The following MKRN3 variants were observed in gnomAD, a reference collection of about 807,000 sequenced individuals.
The protein encoded by MKRN3 is E3 ubiquitin-protein ligase makorin-3.
For missense variants in MKRN3, 749 were observed against 667.0 expected (o/e 1.12, Z -1.35); for synonymous variants, 301 against 250.2 (o/e 1.20, Z -1.91).
In MKRN3 at chr15:23,567,740, C is replaced by T; in HGVS notation, c.*434C>T. The stretch of plus-strand genomic sequence containing the variant: ...TTGCAGCTGCTCATCTGTTTGTTTA[C>T]AGTTTGTTCTTTCCCTCCTTCCCCT... On this transcript the variant is annotated 3_prime_UTR_variant, in exon 1 of 1. Coordinates refer to ENST00000314520, the MANE Select transcript of MKRN3 (RefSeq NM_005664.4). 2.0e-6 allele frequency: 2 copies of T among 1,007,252 alleles called. No individual in the cohort carries two copies. The highest frequency in any genetic ancestry group is 4.6e-5 in the South Asian group (1 of 21,786). 62.4% of individuals were successfully genotyped at this position (1,007,252 alleles called of 1,614,324 possible). A position where few individuals can be genotyped will look rare whatever the true frequency, so the allele number is the denominator to read the frequency against.
chr15:23,567,118 G>C lies in MKRN3; in HGVS notation c.1336G>C (p.Val446Leu). 2 of 1,614,214 alleles carry C rather than the reference G, an allele frequency of 1.2e-6. No individual in the cohort carries two copies. Among genetic ancestry groups the C allele is most frequent in the Non-Finnish European group, 8.5e-7 (1 of 1,180,046 alleles). ...GSFSAYWHQL[V>L]EPVRMGEGNM... is the part of the protein sequence containing the mutation. ...ATTCAGCGCATACTGGCATCAACTT[G>C]TGGAGCCTGTGCGAATGGGAGAGGG... Residue 446 changes from valine (V) to leucine (L), a missense_variant, in exon 1 of 1, where the codon GTG becomes CTG. Val to Leu is a conservative substitution (Grantham distance 32, BLOSUM62 1). Coordinates refer to ENST00000314520, the MANE Select transcript of MKRN3 (RefSeq NM_005664.4).
At position 23,566,475 on chromosome 15, in the gene MKRN3, G is replaced by A. The variant is rs1386089566; in HGVS notation, c.693G>A (p.Glu231=). 3 of 1,614,120 alleles carry A rather than the reference G, an allele frequency of 1.9e-6. No homozygotes were observed. The South Asian group carries it at 3.3e-5, about 18-fold the overall frequency. Residue 231 remains glutamate, a synonymous_variant, in exon 1 of 1, where the codon GAG becomes GAA. Coordinates refer to ENST00000314520, the MANE Select transcript of MKRN3 (RefSeq NM_005664.4). ...PEAPLQSSET[E]RKQMAVGSGL... is the part of the protein sequence containing the mutation. ...CTCCTCTACAGAGCTCAGAGACTGAGAGGAAGCAGATGGCTGTGGGCAGTG... is the reference window on the plus strand; with the variant it reads ...CTCCTCTACAGAGCTCAGAGACTGAAAGGAAGCAGATGGCTGTGGGCAGTG...
Position 23,565,849 on chromosome 15 carries a change from G to A in MKRN3, c.67G>A (p.Ala23Thr). The part of the protein sequence containing the change: ...AAGAQAGAEA[A>T]REGVSGPDLP... ...CGGGGCCCAGGCAGGTGCTGAGGCAGCAAGGGAGGGTGTGTCTGGGCCGGA... is the reference window on the plus strand; with the variant it reads ...CGGGGCCCAGGCAGGTGCTGAGGCAACAAGGGAGGGTGTGTCTGGGCCGGA... Residue 23 changes from alanine (A) to threonine (T), a missense_variant, in exon 1 of 1, where the codon GCA (alanine) becomes ACA (threonine). Coordinates refer to ENST00000314520, the MANE Select transcript of MKRN3 (RefSeq NM_005664.4). 6.2e-7 allele frequency: 1 copy of A among 1,613,570 alleles called. No homozygotes were observed. Among genetic ancestry groups the A allele is most frequent in the Non-Finnish European group, 8.5e-7 (1 of 1,179,698 alleles).
chr15:23,567,200 T>G lies in MKRN3; in HGVS notation c.1418T>G (p.Leu473Arg), dbSNP rs1889119286. The change falls in exon 1 of 1, where the codon CTG (leucine) becomes CGG (arginine). Residue 473 changes from leucine (L) to arginine (R), a missense_variant. Coordinates refer to ENST00000314520, the MANE Select transcript of MKRN3 (RefSeq NM_005664.4). ...KELVVLRLASLLFKRFLSLRD... is the reference protein window; with the variant it reads ...KELVVLRLASRLFKRFLSLRD... Reference sequence around the variant, plus strand: ...CTTGTCGTGCTTCGGCTGGCCAGTCTGTTGTTTAAGCGGTTTCTTTCACTG... The same window carrying G: ...CTTGTCGTGCTTCGGCTGGCCAGTCGGTTGTTTAAGCGGTTTCTTTCACTG... 6.2e-7 allele frequency: 1 copy of G among 1,614,214 alleles called. No individual in the cohort carries two copies. Among genetic ancestry groups the G allele is most frequent in the Non-Finnish European group, 8.5e-7 (1 of 1,180,036 alleles).
Position 23,567,526 on chromosome 15 carries a change from A to T in MKRN3, c.*220A>T. The T allele has an allele frequency of 7.2e-7, 1 of 1,391,938 alleles. No homozygotes were observed. Among genetic ancestry groups the T allele is most frequent in the East Asian group, 2.8e-5 (1 of 36,288 alleles). 86.2% of individuals were successfully genotyped at this position (1,391,938 alleles called of 1,614,324 possible). A position where few individuals can be genotyped will look rare whatever the true frequency, so the allele number is the denominator to read the frequency against. ...TTTTGGTGAAATTAATATTAATGTCAGCTTATGGCTTTTTTTTGTCATCTC... is the reference window on the plus strand; with the variant it reads ...TTTTGGTGAAATTAATATTAATGTCTGCTTATGGCTTTTTTTTGTCATCTC... On this transcript the variant is annotated 3_prime_UTR_variant, in exon 1 of 1. Transcript: ENST00000314520.
Position 23,566,497 on chromosome 15 carries a change from A to G in MKRN3, c.715A>G (p.Ser239Gly), listed in dbSNP as rs145670360. 1 of 1,614,038 alleles carries G rather than the reference A, an allele frequency of 6.2e-7. No homozygotes were observed. Among genetic ancestry groups the G allele is most frequent in the Non-Finnish European group, 8.5e-7 (1 of 1,180,044 alleles). Reference protein sequence around the residue: ...ETERKQMAVGSGLRFCYYASR... With the variant: ...ETERKQMAVGGGLRFCYYASR... ...TGAGAGGAAGCAGATGGCTGTGGGC[A>G]GTGGGTTGCGGTTTTGCTATTATGC... The change falls in exon 1 of 1, where the codon AGT becomes GGT. Residue 239 changes from serine to glycine, a missense_variant. Physicochemically the swap from Ser to Gly is moderately conservative, Grantham distance 56 (BLOSUM62 0). Coordinates refer to ENST00000314520, the MANE Select transcript of MKRN3 (RefSeq NM_005664.4).
rs1033077110 is a variant in MKRN3, at chr15:23,566,731, G to A, written c.949G>A (p.Val317Ile). Reference protein sequence around the residue: ...MDKVCGICMEVVYEKANPNDR... With the variant: ...MDKVCGICMEIVYEKANPNDR... ...CAAGGTGTGTGGCATCTGCATGGAG[G>A]TTGTCTATGAGAAGGCCAACCCCAA... Residue 317 changes from valine to isoleucine, a missense_variant, in exon 1 of 1, where the codon GTT (valine) becomes ATT (isoleucine). Coordinates refer to ENST00000314520, the MANE Select transcript of MKRN3 (RefSeq NM_005664.4). 3.1e-6 allele frequency: 5 copies of A among 1,614,222 alleles called. No homozygotes were observed. The highest frequency in any genetic ancestry group is 2.5e-6 in the Non-Finnish European group (3 of 1,180,042).
Position 23,565,753 on chromosome 15 carries a change from C to G in MKRN3, c.-30C>G, listed in dbSNP as rs1889068805. Reference sequence around the variant, plus strand: ...ATAAAGAAAAAATACCGGAGAGGTTCTGGCACCATTTCGGGGTGCCAAAGC... The same window carrying G: ...ATAAAGAAAAAATACCGGAGAGGTTGTGGCACCATTTCGGGGTGCCAAAGC... On this transcript the variant is annotated 5_prime_UTR_variant, in exon 1 of 1. Transcript: ENST00000314520. The G allele has an allele frequency of 6.5e-7, 1 of 1,541,304 alleles. No homozygotes were observed.
chr15:23,566,677 C>T lies in MKRN3; in HGVS notation c.895C>T (p.Leu299Phe). 1 of 1,614,224 alleles carries T rather than the reference C, an allele frequency of 6.2e-7. No individual in the cohort carries two copies. Among genetic ancestry groups the T allele is most frequent in the Non-Finnish European group, 8.5e-7 (1 of 1,180,046 alleles). The stretch of plus-strand genomic sequence containing the variant: ...TGAAGCACACGAGAAAGATATGGAA[C>T]TCTCGTTTGCTGTGCAGCGTGGTAT... Reference protein sequence around the residue: ...CIEAHEKDMELSFAVQRGMDK... With the variant: ...CIEAHEKDMEFSFAVQRGMDK... The change falls in exon 1 of 1, where the codon CTC becomes TTC. Residue 299 changes from leucine (L) to phenylalanine (F), a missense_variant. By Grantham distance (22) the Leu-to-Phe change is conservative. Coordinates refer to ENST00000314520, the MANE Select transcript of MKRN3 (RefSeq NM_005664.4).
Position 23,566,926 on chromosome 15 carries a change from G to A in MKRN3, c.1144G>A (p.Glu382Lys). 2 of 1,614,230 alleles carry A rather than the reference G, an allele frequency of 1.2e-6. No homozygotes were observed. Among genetic ancestry groups the A allele is most frequent in the East Asian group, 4.5e-5 (2 of 44,880 alleles). Residue 382 changes from glutamate (E) to lysine (K), a missense_variant, in exon 1 of 1, where the codon GAA (glutamate) becomes AAA (lysine). By Grantham distance (56) the Glu-to-Lys change is moderately conservative. Coordinates refer to ENST00000314520, the MANE Select transcript of MKRN3 (RefSeq NM_005664.4). ...CAGTGAGTTCTGGGTGGAGGAGGAG[G>A]AAGAGAAGCAGAAACTTATTCAGCA... is the stretch of plus-strand genomic sequence containing the variant. ...IPSEFWVEEE[E>K]EKQKLIQQYK...
chr15:23,567,679 C>T lies in MKRN3; in HGVS notation c.*373C>T. The stretch of plus-strand genomic sequence containing the variant: ...TTTTAATTGAACTAGTAGCTTTGTG[C>T]TATAATAGCCTTAACAAATGGACCC... On this transcript the variant is annotated 3_prime_UTR_variant, in exon 1 of 1. Coordinates refer to ENST00000314520, the MANE Select transcript of MKRN3 (RefSeq NM_005664.4). 1 of 1,052,426 alleles carries T rather than the reference C, an allele frequency of 9.5e-7. No homozygotes were observed. Among genetic ancestry groups the T allele is most frequent in the Non-Finnish European group, 1.2e-6 (1 of 862,898 alleles). 65.2% of individuals were successfully genotyped at this position (1,052,426 alleles called of 1,614,324 possible).
Position 23,566,474 on chromosome 15 carries a change from A to G in MKRN3, c.692A>G (p.Glu231Gly), listed in dbSNP as rs189534049. The G allele has an allele frequency of 6.2e-7, 1 of 1,614,080 alleles. No individual in the cohort carries two copies. Among genetic ancestry groups the G allele is most frequent in the Non-Finnish European group, 8.5e-7 (1 of 1,179,992 alleles). Residue 231 changes from glutamate (E) to glycine (G), a missense_variant, in exon 1 of 1, where the codon GAG becomes GGG. Glu to Gly is a moderately conservative substitution (Grantham distance 98). Coordinates refer to ENST00000314520, the MANE Select transcript of MKRN3 (RefSeq NM_005664.4). ...GCTCCTCTACAGAGCTCAGAGACTGAGAGGAAGCAGATGGCTGTGGGCAGT... is the reference window on the plus strand; with the variant it reads ...GCTCCTCTACAGAGCTCAGAGACTGGGAGGAAGCAGATGGCTGTGGGCAGT... The part of the protein sequence containing the change: ...PEAPLQSSET[E>G]RKQMAVGSGL...
At position 23,566,524 on chromosome 15, in the gene MKRN3, T is replaced by G; in HGVS notation, c.742T>G (p.Ser248Ala). 6.2e-7 allele frequency: 1 copy of G among 1,614,172 alleles called. No homozygotes were observed. Among genetic ancestry groups the G allele is most frequent in the South Asian group, 1.1e-5 (1 of 91,080 alleles). Residue 248 changes from serine to alanine, a missense_variant, in exon 1 of 1, where the codon TCC becomes GCC. Ser to Ala is a moderately conservative substitution (Grantham distance 99). Coordinates refer to ENST00000314520, the MANE Select transcript of MKRN3 (RefSeq NM_005664.4). ...TGGGTTGCGGTTTTGCTATTATGCT[T>G]CCAGGGGAGTTTGCTTTCGTGGGGA... ...GSGLRFCYYA[S>A]RGVCFRGESC...
chr15:23,567,597 T>A lies in MKRN3; in HGVS notation c.*291T>A. ...CAGTTCTAGTGTAGTGTTTACTGAA[T>A]TTCCACACTTATTTTGAAGACCCTC... On this transcript the variant is annotated 3_prime_UTR_variant, in exon 1 of 1. Transcript: ENST00000314520. The A allele has an allele frequency of 1.7e-6, 2 of 1,192,550 alleles. No individual in the cohort carries two copies. Among genetic ancestry groups the A allele is most frequent in the Non-Finnish European group, 2.1e-6 (2 of 951,820 alleles). 73.9% of individuals were successfully genotyped at this position (1,192,550 alleles called of 1,614,324 possible).
chr15:23,566,897 T>C lies in MKRN3; in HGVS notation c.1115T>C (p.Ile372Thr), dbSNP rs748041651. Residue 372 changes from isoleucine (I) to threonine (T), a missense_variant, in exon 1 of 1, where the codon ATT becomes ACT. Ile to Thr is a moderately conservative substitution (Grantham distance 89). Transcript: ENST00000314520. ...PQCRVTSELV[I>T]PSEFWVEEEE... is the part of the protein sequence containing the mutation. The stretch of plus-strand genomic sequence containing the variant: ...TGCAGGGTCACCTCTGAATTGGTCA[T>C]TCCCAGTGAGTTCTGGGTGGAGGAG... The C allele has an allele frequency of 5.0e-6, 8 of 1,614,120 alleles. No homozygotes were observed. Among genetic ancestry groups the C allele is most frequent in the Non-Finnish European group, 6.8e-6 (8 of 1,180,058 alleles).
rs1313663727 is a variant in MKRN3 at position 23,566,984 on chromosome 15, G to A, written c.1202G>A (p.Arg401Lys). The change falls in exon 1 of 1, where the codon AGG (arginine) becomes AAG (lysine). Residue 401 changes from arginine (R) to lysine (K), a missense_variant. Arg to Lys is a conservative substitution (Grantham distance 26). Transcript: ENST00000314520. Reference sequence around the variant, plus strand: ...GAGGCAATGAGCAACAAGGCCTGCAGGTATTTTGCGGAAGGCAGGGGTAAC... The same window carrying A: ...GAGGCAATGAGCAACAAGGCCTGCAAGTATTTTGCGGAAGGCAGGGGTAAC... ...YKEAMSNKAC[R>K]YFAEGRGNCP... is the part of the protein sequence containing the mutation. The A allele has an allele frequency of 6.2e-7, 1 of 1,614,212 alleles. No individual in the cohort carries two copies. Among genetic ancestry groups the A allele is most frequent in the Non-Finnish European group, 8.5e-7 (1 of 1,180,040 alleles).
In MKRN3 at chr15:23,566,082, CT is replaced by C. The variant is rs1369620968; in HGVS notation, c.301del (p.Cys101AlafsTer70). The C allele has an allele frequency of 1.9e-6, 3 of 1,614,200 alleles. No individual in the cohort carries two copies. Among genetic ancestry groups the C allele is most frequent in the Non-Finnish European group, 2.5e-6 (3 of 1,180,048 alleles). Reference protein sequence around the residue: ...SSGIWTKQIICRYYIHGQCKE... With the variant: ...SSGIWTKQIIXRYYIHGQCKE... ...GCGGCATTTGGACAAAGCAGATCAT[CT>C]GCAGGTATTATATACATGGGCAGTG... is the stretch of plus-strand genomic sequence containing the variant. On this transcript the variant is annotated frameshift_variant, in exon 1 of 1. Coordinates refer to ENST00000314520, the MANE Select transcript of MKRN3 (RefSeq NM_005664.4). LOFTEE classifies it low-confidence loss of function (END_TRUNC).
rs868197326 is a variant in MKRN3 at position 23,566,426 on chromosome 15, G to A, written c.644G>A (p.Arg215His). The A allele has an allele frequency of 1.9e-6, 3 of 1,614,112 alleles. No homozygotes were observed. Among genetic ancestry groups the A allele is most frequent in the African/African-American group, 1.3e-5 (1 of 75,064 alleles). ...EFVPGQPYRG[R>H]WVASAPEAPL... ...GTTCCAGGGCAGCCCTACCGGGGCC[G>A]CTGGGTTGCATCTGCCCCCGAGGCT... Residue 215 changes from arginine (R) to histidine (H), a missense_variant, in exon 1 of 1, where the codon CGC becomes CAC. By Grantham distance (29) the Arg-to-His change is conservative (BLOSUM62 0). Coordinates refer to ENST00000314520, the MANE Select transcript of MKRN3 (RefSeq NM_005664.4).
Position 23,566,890 on chromosome 15 carries a change from T to C in MKRN3, c.1108T>C (p.Leu370=). The C allele has an allele frequency of 6.2e-7, 1 of 1,614,188 alleles. No individual in the cohort carries two copies. The highest frequency in any genetic ancestry group is 8.5e-7 in the Non-Finnish European group (1 of 1,180,042). Residue 370 remains leucine (L), a synonymous_variant, in exon 1 of 1, where the codon TTG becomes CTG. Coordinates refer to ENST00000314520, the MANE Select transcript of MKRN3 (RefSeq NM_005664.4). Reference sequence around the variant, plus strand: ...CCCACAGTGCAGGGTCACCTCTGAATTGGTCATTCCCAGTGAGTTCTGGGT... The same window carrying C: ...CCCACAGTGCAGGGTCACCTCTGAACTGGTCATTCCCAGTGAGTTCTGGGT... ...SCPQCRVTSE[L]VIPSEFWVEE...
Sources: allele counts gnomAD v4.1 joint callset, GRCh38; gene constraint gnomAD v4.1.1; transcripts MANE v1.5; gene names NCBI Gene and HGNC (gene_info 2026-07-23, HGNC 2026-07-21).